Variants in MMRN1 observed in about 807,000 individuals in gnomAD.
MMRN1 encodes multimerin 1, also known as multimerin-1.
A neutral mutation model predicts 100.7 loss-of-function variants in MMRN1; 94 were observed. The ratio of observed to expected loss-of-function variants is 0.93; its 90% CI spans 0.79 to 1.11. The LOEUF (loss-of-function observed/expected upper bound fraction) is 1.11, where lower values mean the gene tolerates loss of function less well. Among genes scored for constraint, MMRN1 ranks in the 50% least tolerant of loss-of-function variants. MMRN1 has a pLI of 0.00. For synonymous variants in MMRN1, 575 were observed against 505.0 expected (o/e 1.14, Z -1.86); for missense variants, 1,606 against 1,439.1 (o/e 1.12, Z -1.88).
At chr4:89,944,903 A>AC (rs1722940561) in intron 6 of MMRN1, among the ~76,000 whole-genome samples, 1 of 152,194 alleles carries the variant, frequency 6.6e-6, no homozygotes, top group Non-Finnish European at 1.5e-5. Context: ...TAATGTTGAT[A>AC]GATAGCCTAT....
Position 89,936,170 on chromosome 4 carries a change from C to T in MMRN1, c.2490C>T (p.Thr830=). The change falls in exon 6 of 8, where the codon ACC becomes ACT. Residue 830 remains threonine, a synonymous_variant. Transcript: ENST00000264790. ...AGATGTATCAAATGTTCAATGAAAC[C>T]ACTTCCCAAGTGAGAAAATACCAGC... ...FQKMYQMFNE[T]TSQVRKYQQN... is the part of the protein sequence containing the mutation. 1 of 1,612,216 alleles carries T rather than the reference C, an allele frequency of 6.2e-7. No homozygotes were observed. Among genetic ancestry groups the T allele is most frequent in the Non-Finnish European group, 8.5e-7 (1 of 1,179,434 alleles).
Position 89,894,930 on chromosome 4 carries a change from T to A in MMRN1, c.-42T>A. 1.3e-6 allele frequency: 2 copies of A among 1,563,588 alleles called. No individual in the cohort carries two copies. The highest frequency in any genetic ancestry group is 1.7e-6 in the Non-Finnish European group (2 of 1,156,872). On this transcript the variant is annotated 5_prime_UTR_variant, in exon 1 of 8. Coordinates refer to ENST00000264790, the MANE Select transcript of MMRN1 (RefSeq NM_007351.3). ...TATCAAAAAGGCCATAAGGATTTTG[T>A]CCCCAAATTTCACATGAGCTACCTT...
At chr4:89,931,281 T>C (rs563167059) in intron 5 of MMRN1, among the ~76,000 whole-genome samples, 8 of 152,262 alleles carry the variant, frequency 5.3e-5, no homozygotes, top group African/African-American at 1.9e-4. Context: ...GCTCAAACAA[T>C]ACATCATTCT....
At chr4:89,943,308 C>T (rs1017056261) in intron 6 of MMRN1, among the ~76,000 whole-genome samples, 21 of 152,116 alleles carry the variant, frequency 1.4e-4, no homozygotes, top group Admixed American at 2.6e-4. Flanking sequence ...ACTTTATTGT[C>T]AACTAAGAAA....
chr4:89,904,260 T>A (rs903982054), intron 1 of MMRN1, among the ~76,000 whole-genome samples: 1 of 151,856 alleles, frequency 6.6e-6, no homozygotes, highest in African/African-American at 2.4e-5. Context: ...TGTATGTATT[T>A]ATTTATTTTT....
intron 6 of MMRN1, among the ~76,000 whole-genome samples, chr4:89,943,141 G>T (rs1722885757): frequency 6.6e-6 from 1 of 152,174 alleles, no homozygotes; most frequent in East Asian, 1.9e-4. Flanking sequence ...AGAGACAGGA[G>T]GATAAGCACA....
intron 3 of MMRN1, among the ~76,000 whole-genome samples, chr4:89,919,677 G>T (rs906720995): frequency 6.6e-5 from 10 of 151,982 alleles, no homozygotes; most frequent in East Asian, 3.9e-4. Flanking sequence ...TTAGGACTAG[G>T]TTCCTAAGTG....
intron 1 of MMRN1, among the ~76,000 whole-genome samples, chr4:89,907,335 C>A (rs944967765): frequency 4.0e-5 from 6 of 151,462 alleles, no homozygotes; most frequent in Non-Finnish European, 8.9e-5. Context: ...ACAATAAGTT[C>A]TGTAGAGCTC....
intron 5 of MMRN1, among the ~76,000 whole-genome samples, chr4:89,928,263 A>G (rs1206720277): frequency 6.6e-6 from 1 of 152,096 alleles, no homozygotes; most frequent in Non-Finnish European, 1.5e-5. Flanking sequence ...ATATTAATTT[A>G]CTTCCATTGT....
intron 4 of MMRN1, among the ~76,000 whole-genome samples, chr4:89,926,186 T>C (rs761747613): frequency 6.6e-6 from 1 of 152,174 alleles, no homozygotes; most frequent in Non-Finnish European, 1.5e-5. Context: ...TATTTTTAGT[T>C]TTTGAGGAAC....
intron 1 of MMRN1, among the ~76,000 whole-genome samples, chr4:89,885,868 C>A (rs969155963): frequency 3.3e-5 from 5 of 151,746 alleles, no homozygotes; most frequent in Non-Finnish European, 5.9e-5. Context: ...TTCTTCTTTG[C>A]CCATTTTCTG....
At chr4:89,908,510 T>C (rs1411560105) in intron 1 of MMRN1, among the ~76,000 whole-genome samples, 1 of 151,552 alleles carries the variant, frequency 6.6e-6, no homozygotes, top group African/African-American at 2.4e-5. Context: ...TTAATTAACA[T>C]GATTCATTGG....
In MMRN1 at chr4:89,936,236, C is replaced by A; in HGVS notation, c.2556C>A (p.Thr852=). 1 of 1,603,970 alleles carries A rather than the reference C, an allele frequency of 6.2e-7. No individual in the cohort carries two copies. The highest frequency in any genetic ancestry group is 8.5e-7 in the Non-Finnish European group (1 of 1,177,270). Residue 852 remains threonine (T), a synonymous_variant, in exon 6 of 8, where the codon ACC becomes ACA. Transcript: ENST00000264790. Reference sequence around the variant, plus strand: ...TGGAAGAAAAACTACTCTTAACTACCAAGATTTCCAAAAATTTTGAGACTC... The same window carrying A: ...TGGAAGAAAAACTACTCTTAACTACAAAGATTTCCAAAAATTTTGAGACTC... ...SHLEEKLLLT[T]KISKNFETRL... is the part of the protein sequence containing the mutation.
At chr4:89,887,914 C>T (rs1720972423) in intron 1 of MMRN1, among the ~76,000 whole-genome samples, 1 of 151,832 alleles carries the variant, frequency 6.6e-6, no homozygotes, top group Non-Finnish European at 1.5e-5. Context: ...TATAATTTCA[C>T]ACTACATATG....
At chr4:89,938,476 CATATATATATAT>C (rs372673572) in intron 6 of MMRN1, among the ~76,000 whole-genome samples, 2,076 of 123,532 alleles carry the variant, frequency 0.017, 39 homozygotes, top group Middle Eastern at 0.051. Context: ...ATTTTTTAAA[CATATATATATAT>C]ATATATATAT....
chr4:89,936,086 C>T lies in MMRN1; in HGVS notation c.2406C>T (p.Val802=), dbSNP rs376673738. ...DNQRYNFVLQ[V]AKTLAGIPRD... is the part of the protein sequence containing the mutation. ...AGAGATATAACTTTGTTTTGCAAGT[C>T]GCCAAGACCCTTGCAGGTATTCCCA... is the stretch of plus-strand genomic sequence containing the variant. Residue 802 remains valine, a synonymous_variant, in exon 6 of 8, where the codon GTC becomes GTT. Coordinates refer to ENST00000264790, the MANE Select transcript of MMRN1 (RefSeq NM_007351.3). 6.8e-6 allele frequency: 11 copies of T among 1,611,638 alleles called. No homozygotes were observed. The highest frequency in any genetic ancestry group is 2.7e-5 in the African/African-American group (2 of 74,784).
rs765802353 is a variant in MMRN1, at chr4:89,953,378, CT to C, written c.3648del (p.Val1217LeufsTer16). 269 of 1,612,062 alleles carry C rather than the reference CT, an allele frequency of 1.7e-4. No homozygotes were observed. The highest frequency in any genetic ancestry group is 1.7e-4 in the Non-Finnish European group (206 of 1,179,256). ...GGAACAATTCCAGCCAAGTTTCCCC[CT>C]GTTACTACATTTAGTGGCTATTTAT... ...AKGTIPAKFP[P>X]VTTFSGYLLY... is the part of the protein sequence containing the mutation. On this transcript the variant is annotated frameshift_variant, in exon 8 of 8. Coordinates refer to ENST00000264790, the MANE Select transcript of MMRN1 (RefSeq NM_007351.3). LOFTEE classifies it high-confidence loss of function.
rs540257844 is a variant in MMRN1, at chr4:89,924,557, A to AT, written c.955+1289dup. Among the ~76,000 whole-genome samples, 435 of 151,714 alleles carry AT rather than the reference A, an allele frequency of 2.9e-3. 2 individuals are homozygous for AT. The highest frequency in any genetic ancestry group is 9.8e-3 in the African/African-American group (408 of 41,488). ...TAATTTTTAATTAAAAATTTAAGTG[A>AT]TTTTAAGCTGGGCACAGTGGCTTAT... On this transcript the variant is annotated intron_variant, in intron 4 of 7. Coordinates refer to ENST00000264790, the MANE Select transcript of MMRN1 (RefSeq NM_007351.3).
Position 89,895,142 on chromosome 4 carries a change from C to T in MMRN1, c.171C>T (p.Thr57=). ...TACAAAGTTTGCAAATACTGCCAAC[C>T]ACTCGGGTCATGTCGGCGGAGATAG... is the stretch of plus-strand genomic sequence containing the variant. ...NKIQSLQILP[T]TRVMSAEIAT... is the part of the protein sequence containing the mutation. The change falls in exon 1 of 8, where the codon ACC becomes ACT. Residue 57 remains threonine, a synonymous_variant. Coordinates refer to ENST00000264790, the MANE Select transcript of MMRN1 (RefSeq NM_007351.3). The T allele has an allele frequency of 2.5e-6, 4 of 1,613,832 alleles. No homozygotes were observed. The highest frequency in any genetic ancestry group is 2.5e-6 in the Non-Finnish European group (3 of 1,179,910).
Sources: gnomAD v4.1 joint callset for allele counts (sites outside exome capture counted in the v4.1 genomes callset) on GRCh38, gnomAD v4.1.1 for gene constraint, MANE v1.5 for transcripts, NCBI Gene and HGNC (gene_info 2026-07-23, HGNC 2026-07-21) for gene names.